The following CFH variants were observed in gnomAD, a reference collection of about 807,000 sequenced individuals.
CFH encodes H factor 1 (complement).
Under a neutral mutation model 147.3 loss-of-function variants are expected in CFH, and 53 were observed. The ratio of observed to expected loss-of-function variants is 0.36; its 90% CI spans 0.29 to 0.45. The LOEUF (loss-of-function observed/expected upper bound fraction) is 0.45, where lower values mean the gene tolerates loss of function less well. CFH is among the 20% of genes least tolerant of loss of function. CFH has a pLI of 1.00. For synonymous variants in CFH, 536 were observed against 489.4 expected, an observed-to-expected ratio of 1.10 and a Z score of -1.26; for missense variants, 1,380 against 1,498.0, an observed-to-expected ratio of 0.92 and a Z score of 1.30.
At chr1:196,746,387 G>C (rs519839) in intron 21 of CFH, among the ~76,000 whole-genome samples, 15,105 of 152,004 alleles carry the variant, frequency 0.099, 1,160 homozygotes, top group African/African-American at 0.21. Flanking sequence ...GGAGGCGGAG[G>C]TTGCAGTGAG....
chr1:196,698,297 TA>T (rs1425973268), intron 9 of CFH, among the ~76,000 whole-genome samples: 2 of 152,006 alleles, frequency 1.3e-5, no homozygotes, highest in Admixed American at 1.3e-4. Flanking sequence ...AGCTGGTTTT[TA>T]GAAAAGATTA....
chr1:196,728,870 T>G (rs575188506), intron 15 of CFH, among the ~76,000 whole-genome samples: 1 of 152,194 alleles, frequency 6.6e-6, no homozygotes, highest in Admixed American at 6.6e-5. Context: ...CAATAACTAC[T>G]ATGTATCTGT....
chr1:196,688,063 A>T (rs181075133), intron 7 of CFH, among the ~76,000 whole-genome samples: 37 of 151,988 alleles, frequency 2.4e-4, no homozygotes, highest in Admixed American at 7.9e-4. Context: ...ATGTAAAAGA[A>T]TATTTATATG....
In CFH at chr1:196,685,868, A is replaced by G. The variant is rs1161243664; in HGVS notation, c.964+631A>G. Among the ~76,000 whole-genome samples the G allele has an allele frequency of 4.6e-5, 7 of 152,268 alleles. 1 individual carries two copies. The highest frequency in any genetic ancestry group is 4.6e-4 in the Admixed American group (7 of 15,268). On this transcript the variant is annotated intron_variant, in intron 7 of 21. Coordinates refer to ENST00000367429, the MANE Select transcript of CFH (RefSeq NM_000186.4). ...AGAGGAAGCCACAATACCATGTATT[A>G]GTGTGTTCTCACACTACTAGAAAGA...
At chr1:196,668,824 A>G (rs927423266) in intron 1 of CFH, among the ~76,000 whole-genome samples, 1 of 152,172 alleles carries the variant, frequency 6.6e-6, no homozygotes, top group Non-Finnish European at 1.5e-5. Context: ...TCTTTATAGC[A>G]GTGCAAAATG....
chr1:196,722,966 T>C (rs1669036672), intron 11 of CFH, among the ~76,000 whole-genome samples: 1 of 152,132 alleles, frequency 6.6e-6, no homozygotes, highest in Non-Finnish European at 1.5e-5. Context: ...ACATTTTTCA[T>C]TCATATCCTG....
intron 9 of CFH, among the ~76,000 whole-genome samples, chr1:196,702,535 A>C (rs1668484961): frequency 9.0e-6 from 1 of 110,712 alleles, no homozygotes; most frequent in Non-Finnish European, 1.8e-5. Context: ...AAAAAAAAAA[A>C]AAAACATCCA....
chr1:196,663,018 AAGTCTT>A (rs1161891150), intron 1 of CFH, among the ~76,000 whole-genome samples: 1 of 152,114 alleles, frequency 6.6e-6, no homozygotes, highest in Non-Finnish European at 1.5e-5. Flanking sequence ...TGCTATTGAG[AAGTCTT>A]TGTAAATCTA....
Position 196,715,764 on chromosome 1 carries a change from GT to G in CFH, c.1693del (p.Tyr565MetfsTer10). The stretch of plus-strand genomic sequence containing the variant: ...AATGGTTGGTCTGATTTACCCATAT[GT>G]TATGGTAAGTACTGGTTTTTCAGAA... ...GYNGWSDLPI[C>X]YERECELPKI... On this transcript the variant is annotated frameshift_variant, in exon 11 of 22. Coordinates refer to ENST00000367429, the MANE Select transcript of CFH (RefSeq NM_000186.4). LOFTEE classifies it high-confidence loss of function. 1 of 1,609,730 alleles carries G rather than the reference GT, an allele frequency of 6.2e-7. No individual in the cohort carries two copies. The highest frequency in any genetic ancestry group is 8.5e-7 in the Non-Finnish European group (1 of 1,177,140).
chr1:196,668,568 G>C (rs1176821229), intron 1 of CFH, among the ~76,000 whole-genome samples: 1 of 152,114 alleles, frequency 6.6e-6, no homozygotes, highest in African/African-American at 2.4e-5. Flanking sequence ...GGAGGTGACT[G>C]GATCATGGGG....
intron 9 of CFH, chr1:196,690,486 A>C (rs1667987712): frequency 1.8e-6 from 1 of 549,200 alleles, no homozygotes; most frequent in African/African-American, 1.9e-5. Flanking sequence ...GAATTTGAAC[A>C]CAATACTTGT....
At chr1:196,662,099 C>A (rs1177720644) in intron 1 of CFH, among the ~76,000 whole-genome samples, 1 of 152,156 alleles carries the variant, frequency 6.6e-6, no homozygotes, top group Non-Finnish European at 1.5e-5. Context: ...ATGATTTGAT[C>A]TGGCCTATCT....
chr1:196,660,605 C>G (rs192602890), intron 1 of CFH, among the ~76,000 whole-genome samples: 86 of 152,262 alleles, frequency 5.6e-4, no homozygotes, highest in Admixed American at 4.9e-3. Flanking sequence ...GAAAATAGAA[C>G]AGGGGCGGTC....
rs577569455 is a variant in CFH at position 196,707,753 on chromosome 1, ATATCAGATAAG to A, written c.1337-5979_1337-5969del. ...GGCCTCAAATATCTTTTGAGGAAAA[ATATCAGATAAG>A]TAACTTTAATGAAATTAGACAAAAC... On this transcript the variant is annotated intron_variant, in intron 9 of 21. Transcript: ENST00000367429. Among the ~76,000 whole-genome samples, 487 of 152,318 alleles carry A rather than the reference ATATCAGATAAG, an allele frequency of 3.2e-3. 3 individuals are homozygous for A. Among genetic ancestry groups the A allele is most frequent in the African/African-American group, 0.01 (418 of 41,576 alleles).
chr1:196,676,107 C>T, intron 4 of CFH, 42 bp downstream of exon 4: 3 of 1,221,232 alleles, frequency 2.5e-6, no homozygotes, highest in Non-Finnish European at 3.5e-6. Flanking sequence ...AAATAAATAT[C>T]TAAGATTTAA....
chr1:196,667,219 A>G (rs1430489062), intron 1 of CFH, among the ~76,000 whole-genome samples: 1 of 152,218 alleles, frequency 6.6e-6, no homozygotes, highest in Non-Finnish European at 1.5e-5. Flanking sequence ...AGGAAAGGGA[A>G]CAACCATGAT....
Position 196,690,065 on chromosome 1 carries a change from A to G in CFH, c.1162A>G (p.Lys388Glu), listed in dbSNP as rs2149088636. 6.2e-7 allele frequency: 1 copy of G among 1,607,526 alleles called. No homozygotes were observed. The highest frequency in any genetic ancestry group is 8.5e-7 in the Non-Finnish European group (1 of 1,175,014). The change falls in exon 9 of 22, where the codon AAA becomes GAA. Residue 388 changes from lysine (K) to glutamate (E), a missense_variant and splice_region_variant. This residue lies in a region of CFH where 167 missense variants were observed against 228.0 expected (regional missense o/e 0.73). Transcript: ENST00000367429. The stretch of plus-strand genomic sequence containing the variant: ...TTTATCATTGTTATGGTCCTTAGGA[A>G]AATGTTATTTTCCTTATTTGGAAAA... The part of the protein sequence containing the change: ...GWSPAVPCLR[K>E]CYFPYLENGY...
chr1:196,679,407 A>T, intron 5 of CFH: 1 of 412,926 alleles, frequency 2.4e-6, no homozygotes, highest in Non-Finnish European at 4.4e-6. Context: ...AGGCTAATTT[A>T]TCCTGAAACT....
intron 11 of CFH, among the ~76,000 whole-genome samples, chr1:196,722,249 A>G (rs1019621809): frequency 6.6e-6 from 1 of 151,996 alleles, no homozygotes; most frequent in African/African-American, 2.4e-5. Context: ...CCTAAAGTGG[A>G]TTTCTAGTGG....
Sources: allele counts gnomAD v4.1 joint callset (sites outside exome capture counted in the v4.1 genomes callset), GRCh38; gene constraint gnomAD v4.1.1; regional missense constraint gnomAD v4.1.1; transcripts MANE v1.5; gene names NCBI Gene and HGNC (gene_info 2026-07-23, HGNC 2026-07-21).